ZNF407: variants seen among roughly 807,000 people sequenced by gnomAD.
ZNF407 encodes zinc finger protein 407.
In ZNF407, 17 loss-of-function variants were observed where a neutral mutation model predicts 131.2. The observed-to-expected ratio is 0.13, with a 90% CI of 0.09 to 0.19. The LOEUF (loss-of-function observed/expected upper bound fraction) is 0.19, where lower values mean the gene tolerates loss of function less well. ZNF407 is among the 10% of genes least tolerant of loss of function. The probability of loss-of-function intolerance (pLI) is 1.00; values close to 1 mark genes in which losing one functional copy is unlikely to be tolerated. For missense variants in ZNF407, 2,681 were observed against 2,830.6 expected (o/e 0.95, Z 1.20); for synonymous variants, 1,156 against 1,062.0 (o/e 1.09, Z -1.72).
chr18:75,057,520 C>T (rs1973574666), intron 8 of ZNF407, among the ~76,000 whole-genome samples: 1 of 151,986 alleles, frequency 6.6e-6, no homozygotes, highest in Non-Finnish European at 1.5e-5. Context: ...AATTACTTGC[C>T]ACAGATGAGA....
chr18:74,877,370 C>T lies in ZNF407; in HGVS notation c.5044+7C>T, dbSNP rs3815867. On this transcript the variant is annotated splice_region_variant and intron_variant, in intron 5 of 8. Coordinates refer to ENST00000299687, the MANE Select transcript of ZNF407 (RefSeq NM_017757.3). ...CACTACAGGACGCACACAGGTGTGC[C>T]GCGCCGCCTTCCTATCCCAGGAGGC... The T allele has an allele frequency of 1.2e-4, 197 of 1,609,754 alleles. 1 individual carries two copies. The East Asian group carries it at 2.6e-3, about 21-fold the overall frequency.
At position 74,635,813 on chromosome 18, in the gene ZNF407, A is replaced by T; in HGVS notation, c.4687+107A>T. ...TGCTCATTGGCTTTCCACCCGGTTC[A>T]CATTTCACTGCCGTGTGCTGCTCTG... On this transcript the variant is annotated intron_variant, in intron 2 of 8. Coordinates refer to ENST00000299687, the MANE Select transcript of ZNF407 (RefSeq NM_017757.3). The surrounding 1 kb of genome is among the most constrained non-coding windows in gnomAD (Gnocchi z 4.7). 2 of 1,432,032 alleles carry T rather than the reference A, an allele frequency of 1.4e-6. No individual in the cohort carries two copies. Among genetic ancestry groups the T allele is most frequent in the Non-Finnish European group, 1.9e-6 (2 of 1,066,440 alleles). The allele number at this position is 1,432,032 out of a possible 1,614,324, so 88.7% of individuals were successfully genotyped here.
At chr18:75,013,191 A>G (rs1973002675) in intron 8 of ZNF407, among the ~76,000 whole-genome samples, 1 of 152,140 alleles carries the variant, frequency 6.6e-6, no homozygotes, top group Admixed American at 6.6e-5. Context: ...ATTTAAAAAG[A>G]AAAAGAGATG....
intron 8 of ZNF407, among the ~76,000 whole-genome samples, chr18:74,922,750 C>T (rs1051629065): frequency 1.1e-4 from 17 of 152,234 alleles, no homozygotes; most frequent in Middle Eastern, 3.4e-3. Flanking sequence ...TAAAGACAGG[C>T]GTCTCGGAGC....
intron 4 of ZNF407, among the ~76,000 whole-genome samples, chr18:74,847,717 T>C (rs1298331653): frequency 2.0e-5 from 3 of 152,190 alleles, no homozygotes; most frequent in Non-Finnish European, 4.4e-5. Context: ...TGTCAGCATA[T>C]TGCAGTGTGT....
chr18:74,751,459 G>A (rs1213060635), intron 3 of ZNF407, among the ~76,000 whole-genome samples: 3 of 151,914 alleles, frequency 2.0e-5, no homozygotes, highest in Admixed American at 2.0e-4. Context: ...TGCCATGTTG[G>A]TGTGCTGCAC....
At chr18:75,022,690 A>G (rs1973124649) in intron 8 of ZNF407, among the ~76,000 whole-genome samples, 1 of 152,178 alleles carries the variant, frequency 6.6e-6, no homozygotes, top group Non-Finnish European at 1.5e-5. Context: ...GAAACAACAG[A>G]TGCTGGTGAG....
chr18:74,633,519 G>T lies in ZNF407; in HGVS notation c.2500G>T (p.Ala834Ser). The change falls in exon 2 of 9, where the codon GCT becomes TCT. Residue 834 changes from alanine (A) to serine (S), a missense_variant. Physicochemically the swap from Ala to Ser is moderately conservative, Grantham distance 99 (BLOSUM62 1). Transcript: ENST00000299687. ...SGGSTKDDEL[A>S]STTTPKRGRP... ...TGGTAGCACCAAAGATGATGAATTA[G>T]CTTCAACCACTACTCCAAAGAGAGG... 2 of 1,614,032 alleles carry T rather than the reference G, an allele frequency of 1.2e-6. No homozygotes were observed. Among genetic ancestry groups the T allele is most frequent in the Non-Finnish European group, 1.7e-6 (2 of 1,179,906 alleles).
chr18:74,765,303 T>C (rs1041831492), intron 3 of ZNF407, among the ~76,000 whole-genome samples: 1 of 152,248 alleles, frequency 6.6e-6, no homozygotes, highest in Non-Finnish European at 1.5e-5. Flanking sequence ...ATTGTTCATA[T>C]TTTTACACTT....
chr18:74,946,095 A>G (rs1972151107), intron 8 of ZNF407, among the ~76,000 whole-genome samples: 1 of 152,240 alleles, frequency 6.6e-6, no homozygotes, highest in South Asian at 2.1e-4. Flanking sequence ...GAATTAATTT[A>G]TCATATGTGT....
chr18:74,682,843 G>T (rs1244944676), intron 3 of ZNF407, among the ~76,000 whole-genome samples: 3 of 152,274 alleles, frequency 2.0e-5, no homozygotes, highest in South Asian at 4.1e-4. Flanking sequence ...GCTGACAGGC[G>T]CATTTTCCAT....
chr18:74,821,919 C>G lies in ZNF407; in HGVS notation c.4877+40417C>G, dbSNP rs1970346137. On this transcript the variant is annotated intron_variant, in intron 4 of 8. Transcript: ENST00000299687. Reference sequence around the variant, plus strand: ...AAAAGCATTCCTATTTCTTCACATCCTCTCCAGCATCTGTTGTTTCCTGAC... The same window carrying G: ...AAAAGCATTCCTATTTCTTCACATCGTCTCCAGCATCTGTTGTTTCCTGAC... Among the ~76,000 whole-genome samples the G allele has an allele frequency of 1.3e-5, 2 of 152,198 alleles. 1 individual carries two copies. Among genetic ancestry groups the G allele is most frequent in the South Asian group, 4.1e-4 (2 of 4,824 alleles).
chr18:74,994,746 C>T (rs1343157727), intron 8 of ZNF407, among the ~76,000 whole-genome samples: 3 of 152,276 alleles, frequency 2.0e-5, no homozygotes, highest in African/African-American at 7.2e-5. Flanking sequence ...ACTCAGGACC[C>T]AGCGACAGGA....
At chr18:74,872,618 G>A (rs376981018) in intron 4 of ZNF407, among the ~76,000 whole-genome samples, 2 of 151,986 alleles carry the variant, frequency 1.3e-5, no homozygotes, top group South Asian at 2.1e-4. Context: ...TTAGCCAGGC[G>A]TGGTGGTACG....
At chr18:75,038,177 A>G (rs1973331600) in intron 8 of ZNF407, among the ~76,000 whole-genome samples, 1 of 152,260 alleles carries the variant, frequency 6.6e-6, no homozygotes, top group South Asian at 2.1e-4. Context: ...GTTAGCACAG[A>G]AGAATTTCCA....
At chr18:74,714,646 T>A (rs1967848249) in intron 3 of ZNF407, among the ~76,000 whole-genome samples, 1 of 152,236 alleles carries the variant, frequency 6.6e-6, no homozygotes, top group Admixed American at 6.5e-5. Context: ...CAAAGAATTT[T>A]TAAAAATTGC....
chr18:75,007,908 G>A (rs1264224742), intron 8 of ZNF407, among the ~76,000 whole-genome samples: 3 of 152,226 alleles, frequency 2.0e-5, no homozygotes, highest in African/African-American at 7.2e-5. Flanking sequence ...GTCAGGATGT[G>A]CTGTTGAGTT....
At chr18:74,989,563 T>TG (rs921229392) in intron 8 of ZNF407, among the ~76,000 whole-genome samples, 2 of 152,166 alleles carry the variant, frequency 1.3e-5, no homozygotes, top group African/African-American at 4.8e-5. Context: ...ATTTCTTGGC[T>TG]GGGGGCGGTG....
At position 74,631,063 on chromosome 18, in the gene ZNF407, A is replaced by G; in HGVS notation, c.44A>G (p.Lys15Arg). ...AAACCCGAAAATGATGAGGATGAAA[A>G]GATAAACAAAGAAGCACAAGACTTG... ...ENKPENDEDE[K>R]INKEAQDLTK... Residue 15 changes from lysine (K) to arginine (R), a missense_variant, in exon 2 of 9, where the codon AAG (lysine) becomes AGG (arginine). By Grantham distance (26) the Lys-to-Arg change is conservative (BLOSUM62 2). Transcript: ENST00000299687. 1 of 1,612,028 alleles carries G rather than the reference A, an allele frequency of 6.2e-7. No individual in the cohort carries two copies. Among genetic ancestry groups the G allele is most frequent in the Non-Finnish European group, 8.5e-7 (1 of 1,179,360 alleles).
Sources: allele counts gnomAD v4.1 joint callset (sites outside exome capture counted in the v4.1 genomes callset), GRCh38; gene constraint gnomAD v4.1.1; non-coding constraint Gnocchi (gnomAD v3.1); transcripts MANE v1.5; gene names NCBI Gene and HGNC (gene_info 2026-07-23, HGNC 2026-07-21).